The following ITGA9 variants were observed in gnomAD, a reference collection of about 807,000 sequenced individuals.
The protein encoded by ITGA9 is integrin subunit alpha 9.
Under a neutral mutation model 127.8 loss-of-function variants are expected in ITGA9, and 56 were observed. That is an observed-to-expected ratio of 0.44 (90% CI 0.35 to 0.55). The LOEUF (loss-of-function observed/expected upper bound fraction) is 0.55. Among genes scored for constraint, ITGA9 ranks in the 20% least tolerant of loss-of-function variants. The pLI is 0.00. For synonymous variants in ITGA9, 508 were observed against 514.5 expected (o/e 0.99, Z 0.17); for missense variants, 1,196 against 1,347.1 (o/e 0.89, Z 1.76).
intron 14 of ITGA9, 83 bp from the exon 15 acceptor site, chr3:37,542,342 G>A: frequency 7.0e-7 from 1 of 1,428,994 alleles, no homozygotes; most frequent in Non-Finnish European, 9.9e-7. Context: ...AGATGTGCAT[G>A]TGATCCTGTG....
At chr3:37,670,308 G>T (rs955276247) in intron 17 of ITGA9, among the ~76,000 whole-genome samples, 1 of 152,026 alleles carries the variant, frequency 6.6e-6, no homozygotes, top group Admixed American at 6.5e-5. Context: ...CTTTCCTCCT[G>T]CTGTCCTAGG....
chr3:37,553,013 TAA>T (rs10662748), intron 15 of ITGA9, among the ~76,000 whole-genome samples: 9 of 137,106 alleles, frequency 6.6e-5, no homozygotes, highest in Middle Eastern at 3.5e-3. Context: ...AGACTCCATC[TAA>T]AAAAAAAAAA....
Position 37,533,410 on chromosome 3 carries a change from C to G in ITGA9, c.1470C>G (p.Asn490Lys). 1 of 1,614,210 alleles carries G rather than the reference C, an allele frequency of 6.2e-7. No individual in the cohort carries two copies. Among genetic ancestry groups the G allele is most frequent in the Non-Finnish European group, 8.5e-7 (1 of 1,180,050 alleles). The change falls in exon 14 of 28, where the codon AAC becomes AAG. Residue 490 changes from asparagine (N) to lysine (K), a missense_variant. Asn to Lys is a moderately conservative substitution (Grantham distance 94). Coordinates refer to ENST00000264741, the MANE Select transcript of ITGA9 (RefSeq NM_002207.3). ...GTCACGACGGACAGCAGCCTGTGAA[C>G]TGCCTGAACGTCACCACCTGCTTCA... ...PQCHDGQQPV[N>K]CLNVTTCFSF...
At chr3:37,490,970 C>CCCG (rs1553642010) in intron 4 of ITGA9, among the ~76,000 whole-genome samples, 2 of 135,206 alleles carry the variant, frequency 1.5e-5, no homozygotes, top group Non-Finnish European at 3.2e-5. Flanking sequence ...TTGGCTTCCC[C>CCCG]CCCGCTTTTT....
chr3:37,818,192 A>C (rs367601936), intron 27 of ITGA9: 2 of 84,506 alleles, frequency 2.4e-5, no homozygotes, highest in Admixed American at 1.1e-4. Flanking sequence ...AAGACTCTCT[A>C]AAAAAAAAAA....
chr3:37,632,932 C>T (rs950896534), intron 16 of ITGA9, among the ~76,000 whole-genome samples: 3 of 152,142 alleles, frequency 2.0e-5, no homozygotes, highest in African/African-American at 7.2e-5. Flanking sequence ...TAAGCAAGAA[C>T]CCAGAAAGTT....
intron 5 of ITGA9, among the ~76,000 whole-genome samples, chr3:37,502,756 A>T (rs1247114232): frequency 6.6e-6 from 1 of 151,826 alleles, no homozygotes; most frequent in Non-Finnish European, 1.5e-5. Flanking sequence ...AGGTCGGGGG[A>T]GTTGAATGGT....
At chr3:37,636,463 A>G (rs1431403779) in intron 16 of ITGA9, among the ~76,000 whole-genome samples, 1 of 152,002 alleles carries the variant, frequency 6.6e-6, no homozygotes, top group African/African-American at 2.4e-5. Flanking sequence ...TCCCTCACCC[A>G]CTTTTTGATG....
intron 19 of ITGA9, among the ~76,000 whole-genome samples, chr3:37,734,699 C>T (rs759274584): frequency 6.6e-5 from 10 of 152,142 alleles, no homozygotes; most frequent in Admixed American, 2.6e-4. Flanking sequence ...ACTGTGTTGG[C>T]CAGGCTGGTC....
rs552980890 is a variant in ITGA9 at position 37,590,937 on chromosome 3, A to G, written c.1690-38250A>G. 2.0e-5 allele frequency among the ~76,000 whole-genome samples: 3 copies of G among 152,266 alleles called. No individual in the cohort carries two copies. The South Asian group carries it at 6.2e-4, about 32-fold the overall frequency. The stretch of plus-strand genomic sequence containing the variant: ...AGTGGAAACCCCATGTCCTTAGCGC[A>G]GCCCTGGGGGTTATCAGGGTGGCTC... On this transcript the variant is annotated intron_variant, in intron 15 of 27. Coordinates refer to ENST00000264741, the MANE Select transcript of ITGA9 (RefSeq NM_002207.3).
In ITGA9 at chr3:37,512,186, T is replaced by TTTCTA. The variant is rs1698936184; in HGVS notation, c.898-1573_898-1572insATTCT. 2.5e-4 allele frequency among the ~76,000 whole-genome samples: 15 copies of TTTCTA among 60,818 alleles called. 1 individual carries two copies. Among genetic ancestry groups the TTTCTA allele is most frequent in the Non-Finnish European group, 9.0e-5 (3 of 33,276 alleles). 39.9% of individuals were successfully genotyped at this position (60,818 alleles called of 152,430 possible). ...TTTCTTTTCTTTTCTTTTCTTTTCT[T>TTTCTA]TTCTTTTCTTTTCTTTTCTTTTCTT... On this transcript the variant is annotated intron_variant, in intron 8 of 27. Coordinates refer to ENST00000264741, the MANE Select transcript of ITGA9 (RefSeq NM_002207.3).
Position 37,471,045 on chromosome 3 carries a change from G to T in ITGA9, c.224G>T (p.Ser75Ile). The stretch of plus-strand genomic sequence containing the variant: ...GCACCAAAGGCAGATTCCAAATACA[G>T]CCCTTCAGTGAAGTCTCCTGGGGCT... ...VGAPKADSKY[S>I]PSVKSPGAVF... Residue 75 changes from serine (S) to isoleucine (I), a missense_variant, in exon 2 of 28, where the codon AGC (serine) becomes ATC (isoleucine). Ser to Ile is a moderately radical substitution (Grantham distance 142, BLOSUM62 -2). Transcript: ENST00000264741. 6.2e-7 allele frequency: 1 copy of T among 1,614,034 alleles called. No homozygotes were observed. Among genetic ancestry groups the T allele is most frequent in the Non-Finnish European group, 8.5e-7 (1 of 1,179,978 alleles).
At chr3:37,620,604 G>T (rs1700118605) in intron 15 of ITGA9, among the ~76,000 whole-genome samples, 1 of 152,214 alleles carries the variant, frequency 6.6e-6, no homozygotes, top group Admixed American at 6.5e-5. Context: ...AAGAAATGGA[G>T]CTTGGACCCC....
chr3:37,557,217 C>T (rs753386881), intron 15 of ITGA9, among the ~76,000 whole-genome samples: 2 of 152,138 alleles, frequency 1.3e-5, no homozygotes, highest in South Asian at 2.1e-4. Flanking sequence ...AAACAGAATA[C>T]GAGAAGCCAG....
intron 17 of ITGA9, among the ~76,000 whole-genome samples, chr3:37,680,238 A>G (rs1700722140): frequency 6.6e-6 from 1 of 152,132 alleles, no homozygotes; most frequent in Non-Finnish European, 1.5e-5. Flanking sequence ...ATTTGACAAC[A>G]CCCAATATCA....
At chr3:37,547,424 T>G (rs533473283) in intron 15 of ITGA9, among the ~76,000 whole-genome samples, 2 of 152,330 alleles carry the variant, frequency 1.3e-5, no homozygotes, top group Admixed American at 6.5e-5. Flanking sequence ...CCCTGGGATC[T>G]GCCCAGGTGT....
chr3:37,757,134 CAAAG>C (rs909694944), intron 23 of ITGA9, among the ~76,000 whole-genome samples: 4 of 151,594 alleles, frequency 2.6e-5, no homozygotes, highest in African/African-American at 9.8e-5. Flanking sequence ...AAACCCAACT[CAAAG>C]AAAGTAAAAT....
intron 26 of ITGA9, among the ~76,000 whole-genome samples, chr3:37,802,436 T>G (rs558178834): frequency 1.3e-5 from 2 of 152,290 alleles, no homozygotes; most frequent in East Asian, 3.9e-4. Context: ...TAGAAAAGAC[T>G]TTCCCAAAGG....
At chr3:37,777,232 T>C (rs1696918669) in intron 23 of ITGA9, among the ~76,000 whole-genome samples, 160 bp from the exon 24 acceptor site, 1 of 152,250 alleles carries the variant, frequency 6.6e-6, no homozygotes, top group Admixed American at 6.5e-5. Context: ...ATGCTACAAC[T>C]TCTGCCTTTC....
Sources: gnomAD v4.1 joint callset for allele counts (sites outside exome capture counted in the v4.1 genomes callset) on GRCh38, gnomAD v4.1.1 for gene constraint, MANE v1.5 for transcripts, NCBI Gene and HGNC (gene_info 2026-07-23, HGNC 2026-07-21) for gene names.